The following DLG2 variants were observed in gnomAD, a reference collection of about 807,000 sequenced individuals.
DLG2 encodes the protein discs large MAGUK scaffold protein 2.
A neutral mutation model predicts 132.5 loss-of-function variants in DLG2; 45 were observed. That is an observed-to-expected ratio of 0.34 (90% CI 0.27 to 0.44). The LOEUF (loss-of-function observed/expected upper bound fraction) is 0.44, where lower values mean the gene tolerates loss of function less well. DLG2 is among the 20% of genes least tolerant of loss of function. DLG2 has a pLI of 1.00. For missense variants in DLG2, 1,045 were observed against 1,196.9 expected (o/e 0.87, Z 1.87); for synonymous variants, 424 against 419.6 (o/e 1.01, Z -0.13).
At chr11:84,711,897 T>C (rs1366152562) in intron 6 of DLG2, among the ~76,000 whole-genome samples, 3 of 152,074 alleles carry the variant, frequency 2.0e-5, no homozygotes, top group Admixed American at 6.6e-5. Context: ...CATTAAGTAA[T>C]GCCTAGTCTT....
chr11:84,549,171 G>A (rs1041655541), intron 6 of DLG2, among the ~76,000 whole-genome samples: 5 of 152,190 alleles, frequency 3.3e-5, no homozygotes, highest in Admixed American at 2.6e-4. Flanking sequence ...GATGTGCCGG[G>A]AATAAATTTG....
intron 16 of DLG2, among the ~76,000 whole-genome samples, chr11:83,869,900 G>T (rs1175924063): frequency 6.6e-6 from 1 of 152,118 alleles, no homozygotes; most frequent in East Asian, 1.9e-4. Context: ...ACCTTGTAAG[G>T]TAACATAAAG....
chr11:85,036,811 C>T (rs997772412), intron 6 of DLG2, among the ~76,000 whole-genome samples: 6 of 152,150 alleles, frequency 3.9e-5, no homozygotes, highest in Non-Finnish European at 7.4e-5. Context: ...TGACTATCTA[C>T]AACAGGGATC....
chr11:85,504,451 A>G lies in DLG2; in HGVS notation c.40+94206T>C, dbSNP rs565101321. On this transcript the variant is annotated intron_variant, in intron 3 of 27. Transcript: ENST00000376104. ...CATATGGCTAGCCAGTTTTCCCAGC[A>G]CCATTTATTAAATAGGGAAACCTTT... 7.0e-4 allele frequency among the ~76,000 whole-genome samples: 106 copies of G among 152,284 alleles called. 1 individual carries two copies. The highest frequency in any genetic ancestry group is 6.9e-3 in the Admixed American group (105 of 15,282).
chr11:83,752,150 C>T (rs1009698703), intron 18 of DLG2, among the ~76,000 whole-genome samples: 1 of 152,096 alleles, frequency 6.6e-6, no homozygotes, highest in Non-Finnish European at 1.5e-5. Flanking sequence ...CTCCTGTAGT[C>T]CCAGCTACTC....
chr11:85,147,596 T>C (rs2076951035), intron 5 of DLG2, among the ~76,000 whole-genome samples: 1 of 152,194 alleles, frequency 6.6e-6, no homozygotes, highest in South Asian at 2.1e-4. Context: ...CAAGTATAAA[T>C]TTTCATATGC....
intron 19 of DLG2, among the ~76,000 whole-genome samples, chr11:83,597,814 CAA>C (rs149668118): frequency 4.0e-5 from 6 of 151,804 alleles, no homozygotes; most frequent in Non-Finnish European, 8.8e-5. Context: ...AACAAACAAA[CAA>C]ACACAAAAAC....
intron 6 of DLG2, among the ~76,000 whole-genome samples, chr11:84,824,744 C>G (rs1373842048): frequency 6.6e-6 from 1 of 151,850 alleles, no homozygotes; most frequent in Non-Finnish European, 1.5e-5. Context: ...ACCACATAGG[C>G]TGTGTATGGT....
At chr11:85,540,269 C>CAT (rs2153205066) in intron 3 of DLG2, among the ~76,000 whole-genome samples, 2 of 152,300 alleles carry the variant, frequency 1.3e-5, no homozygotes, top group African/African-American at 4.8e-5. Flanking sequence ...CACCACATCC[C>CAT]CCCATCCTGT....
At chr11:84,626,064 C>A (rs2099622014) in intron 6 of DLG2, among the ~76,000 whole-genome samples, 1 of 152,196 alleles carries the variant, frequency 6.6e-6, no homozygotes, top group South Asian at 2.1e-4. Context: ...TGAGGACCGA[C>A]TCTTTTGAGA....
At chr11:84,660,646 C>T (rs971641660) in intron 6 of DLG2, among the ~76,000 whole-genome samples, 65 of 152,202 alleles carry the variant, frequency 4.3e-4, no homozygotes, top group African/African-American at 1.5e-3. Flanking sequence ...ATGGAACATG[C>T]TGTAAAAGAA....
At chr11:83,927,756 A>G (rs969105573) in intron 15 of DLG2, among the ~76,000 whole-genome samples, 1 of 152,144 alleles carries the variant, frequency 6.6e-6, no homozygotes, top group African/African-American at 2.4e-5. Flanking sequence ...GGAAATGGTG[A>G]GACCAATTAA....
intron 7 of DLG2, among the ~76,000 whole-genome samples, chr11:84,255,888 T>G (rs1217774933): frequency 6.6e-6 from 1 of 152,098 alleles, no homozygotes; most frequent in East Asian, 1.9e-4. Flanking sequence ...AGCCTTTTTT[T>G]GTGTTGTTTG....
At chr11:84,561,797 C>A (rs2099429230) in intron 6 of DLG2, among the ~76,000 whole-genome samples, 1 of 151,854 alleles carries the variant, frequency 6.6e-6, no homozygotes, top group Admixed American at 6.6e-5. Flanking sequence ...TAGAATAGAC[C>A]ATGAACCTTG....
intron 4 of DLG2, among the ~76,000 whole-genome samples, chr11:85,183,379 G>A (rs747861302): frequency 2.6e-5 from 4 of 151,736 alleles, no homozygotes; most frequent in Non-Finnish European, 4.4e-5. Flanking sequence ...TACCTCTAAT[G>A]CTAATTAACA....
At chr11:84,319,902 T>C (rs114345826) in intron 7 of DLG2, among the ~76,000 whole-genome samples, 2,203 of 152,274 alleles carry the variant, frequency 0.014, 61 homozygotes, top group African/African-American at 0.05. Flanking sequence ...TACTCCTATC[T>C]TTCCCTCCCC....
At chr11:84,650,871 G>GTATATATATATATATA (rs1398321637) in intron 6 of DLG2, among the ~76,000 whole-genome samples, 6 of 124,646 alleles carry the variant, frequency 4.8e-5, no homozygotes, top group African/African-American at 1.8e-4. Context: ...GTGTGTGTGT[G>GTATATATATATATATA]TGTATATATA....
chr11:84,241,002 C>A (rs1281053511), intron 8 of DLG2, among the ~76,000 whole-genome samples: 1 of 152,216 alleles, frequency 6.6e-6, no homozygotes, highest in Admixed American at 6.5e-5. Context: ...CTCTGTGCTC[C>A]ATATGGATGA....
chr11:84,225,081 A>G (rs1368525727), intron 8 of DLG2, among the ~76,000 whole-genome samples: 1 of 152,166 alleles, frequency 6.6e-6, no homozygotes, highest in Non-Finnish European at 1.5e-5. Flanking sequence ...GTCTGTTTAC[A>G]TATCTTTATC....
Sources: allele counts gnomAD v4.1 joint callset (sites outside exome capture counted in the v4.1 genomes callset), GRCh38; gene constraint gnomAD v4.1.1; transcripts MANE v1.5; gene names NCBI Gene and HGNC (gene_info 2026-07-23, HGNC 2026-07-21).